EFCAB6: variants seen among roughly 807,000 people sequenced by gnomAD.
EFCAB6 encodes the protein EF-hand calcium-binding domain-containing protein 6.
In EFCAB6, 156 loss-of-function variants were observed where a neutral mutation model predicts 169.8. The observed-to-expected ratio is 0.92, with a 90% CI of 0.81 to 1.05. The LOEUF is 1.05. EFCAB6 is among the 50% of genes least tolerant of loss of function. The probability of loss-of-function intolerance (pLI) is 0.00; values close to 1 mark genes in which losing one functional copy is unlikely to be tolerated. For synonymous variants in EFCAB6, 698 were observed against 676.4 expected, an observed-to-expected ratio of 1.03 and a Z score of -0.50; for missense variants, 1,800 against 1,829.1, an observed-to-expected ratio of 0.98 and a Z score of 0.29.
chr22:43,534,126 A>G (rs1293529850), intron 30 of EFCAB6, among the ~76,000 whole-genome samples: 1 of 152,172 alleles, frequency 6.6e-6, no homozygotes, highest in Non-Finnish European at 1.5e-5. Flanking sequence ...CTCTTCTCAA[A>G]TTGTAATCAC....
intron 4 of EFCAB6, among the ~76,000 whole-genome samples, chr22:43,770,615 G>C (rs2061439971): frequency 6.6e-6 from 1 of 152,140 alleles, no homozygotes; most frequent in African/African-American, 2.4e-5. Context: ...AAATTCAAGG[G>C]ATGGGGCTAA....
chr22:43,529,480 C>T (rs2046929781), intron 31 of EFCAB6, among the ~76,000 whole-genome samples: 2 of 152,238 alleles, frequency 1.3e-5, no homozygotes. Context: ...TAGAACCTGA[C>T]TCTCTCCCAG....
At chr22:43,752,773 C>T (rs1159415112) in intron 6 of EFCAB6, among the ~76,000 whole-genome samples, 1 of 152,108 alleles carries the variant, frequency 6.6e-6, no homozygotes, top group African/African-American at 2.4e-5. Context: ...TCTCCACGCC[C>T]TCCTGACTTC....
Position 43,554,914 on chromosome 22 carries a change from A to G in EFCAB6, c.3603T>C (p.Phe1201=), listed in dbSNP as rs768782986. ...GGACGCGGCGATTACAAATGGCCCT[A>G]AACTCCTCTCTGGAGATGGTGTTCG... is the stretch of plus-strand genomic sequence containing the variant. ...MKTNTISREE[F]RAICNRRVQI... The change falls in exon 27 of 32, where the codon TTT becomes TTC. Residue 1201 remains phenylalanine, a synonymous_variant. Transcript: ENST00000262726. 2 of 1,614,166 alleles carry G rather than the reference A, an allele frequency of 1.2e-6. No homozygotes were observed. Among genetic ancestry groups the G allele is most frequent in the Non-Finnish European group, 1.7e-6 (2 of 1,180,032 alleles).
At chr22:43,548,539 C>CAAAAAAAAAAAAA (rs397868076) in intron 27 of EFCAB6, among the ~76,000 whole-genome samples, 12 of 36,750 alleles carry the variant, frequency 3.3e-4, no homozygotes, top group African/African-American at 4.4e-4. Context: ...GAATCCATCT[C>CAAAAAAAAAAAAA]AAAAAAAAAA....
rs146317469 is a variant in EFCAB6, at chr22:43,645,352, C to T, written c.1984-10136G>A. ...TACACTAGAAAGAGGAAAAAAAGTACGCAAGTCCAAGTCTAAAACTTTAGT... is the reference window on the plus strand; with the variant it reads ...TACACTAGAAAGAGGAAAAAAAGTATGCAAGTCCAAGTCTAAAACTTTAGT... On this transcript the variant is annotated intron_variant, in intron 17 of 31. Transcript: ENST00000262726. Among the ~76,000 whole-genome samples the T allele has an allele frequency of 5.8e-3, 889 of 152,288 alleles. 10 individuals carry two copies. Among genetic ancestry groups the T allele is most frequent in the African/African-American group, 0.02 (821 of 41,540 alleles).
chr22:43,613,990 ACT>A (rs1442629817), intron 21 of EFCAB6, among the ~76,000 whole-genome samples: 1 of 151,632 alleles, frequency 6.6e-6, no homozygotes, highest in Admixed American at 6.6e-5. Flanking sequence ...AAACTACAAA[ACT>A]CTGACGAGAA....
chr22:43,587,643 G>T (rs370248980), intron 24 of EFCAB6, among the ~76,000 whole-genome samples: 18 of 152,322 alleles, frequency 1.2e-4, no homozygotes, highest in East Asian at 7.7e-4. Flanking sequence ...TGATGGCATT[G>T]AAGGCCCATC....
chr22:43,533,875 A>ACTGGG lies in EFCAB6; in HGVS notation c.4233+808_4233+812dup, dbSNP rs373691928. Reference sequence around the variant, plus strand: ...CAGATGAGTCCTGGCTGGAAGCAGGACTGGGCTGGGCTGGGCTCTGGCCTC... The same window carrying ACTGGG: ...CAGATGAGTCCTGGCTGGAAGCAGGACTGGGCTGGGCTGGGCTGGGCTCTGGCCTC... On this transcript the variant is annotated intron_variant, in intron 30 of 31. Transcript: ENST00000262726. 5.0e-3 allele frequency among the ~76,000 whole-genome samples: 758 copies of ACTGGG among 152,310 alleles called. 1 individual carries two copies. The highest frequency in any genetic ancestry group is 0.015 in the African/African-American group (618 of 41,576).
chr22:43,629,443 G>A (rs1191230612), intron 19 of EFCAB6, among the ~76,000 whole-genome samples: 1 of 152,198 alleles, frequency 6.6e-6, no homozygotes, highest in Non-Finnish European at 1.5e-5. Context: ...AACACACAAG[G>A]CCCTGTGTGT....
chr22:43,595,153 T>C (rs1050604454), intron 23 of EFCAB6, among the ~76,000 whole-genome samples: 3 of 150,750 alleles, frequency 2.0e-5, no homozygotes, highest in Middle Eastern at 3.4e-3. Context: ...TGTATAGCAA[T>C]AAATGCCTAC....
At chr22:43,663,350 C>T (rs1314350440) in intron 17 of EFCAB6, among the ~76,000 whole-genome samples, 2 of 152,224 alleles carry the variant, frequency 1.3e-5, no homozygotes, top group Admixed American at 6.5e-5. Flanking sequence ...TTTCTTTCTA[C>T]TGCATAAGCC....
intron 25 of EFCAB6, among the ~76,000 whole-genome samples, chr22:43,579,638 C>A (rs1157587826): frequency 1.3e-5 from 2 of 150,950 alleles, no homozygotes; most frequent in African/African-American, 2.5e-5. Flanking sequence ...AAGCATCATT[C>A]CATACATATA....
At chr22:43,807,796 T>G (rs915700087) in intron 2 of EFCAB6, among the ~76,000 whole-genome samples, 8 of 152,256 alleles carry the variant, frequency 5.3e-5, no homozygotes, top group Middle Eastern at 3.2e-3. Flanking sequence ...TGATATCAAA[T>G]GGACTGTTAT....
chr22:43,650,504 G>T (rs1416760766), intron 17 of EFCAB6, among the ~76,000 whole-genome samples: 2 of 152,106 alleles, frequency 1.3e-5, no homozygotes, highest in African/African-American at 4.8e-5. Context: ...GCTCAGTCTT[G>T]GGTATGTCTT....
chr22:43,746,868 G>A (rs1011938164), intron 6 of EFCAB6, among the ~76,000 whole-genome samples: 7 of 152,062 alleles, frequency 4.6e-5, no homozygotes, highest in Non-Finnish European at 7.4e-5. Flanking sequence ...CAGCTGCCAC[G>A]GGCCAAGAAT....
At chr22:43,640,873 A>G (rs955137611) in intron 17 of EFCAB6, among the ~76,000 whole-genome samples, 1 of 152,214 alleles carries the variant, frequency 6.6e-6, no homozygotes, top group Admixed American at 6.5e-5. Flanking sequence ...AACTGGAAGC[A>G]AAACTCCCAG....
chr22:43,675,335 TATA>T (rs2057686447), intron 13 of EFCAB6, among the ~76,000 whole-genome samples: 1 of 41,158 alleles, frequency 2.4e-5, no homozygotes, highest in Non-Finnish European at 6.1e-5. Flanking sequence ...TAATATATAA[TATA>T]ATATACTATA....
intron 17 of EFCAB6, among the ~76,000 whole-genome samples, chr22:43,658,164 G>A (rs1358041133): frequency 1.3e-5 from 2 of 152,090 alleles, no homozygotes; most frequent in Non-Finnish European, 2.9e-5. Flanking sequence ...GGGTGGGGGC[G>A]GAGTTTGCAG....
Sources: gnomAD v4.1 joint callset for allele counts (sites outside exome capture counted in the v4.1 genomes callset) on GRCh38, gnomAD v4.1.1 for gene constraint, MANE v1.5 for transcripts, NCBI Gene and HGNC (gene_info 2026-07-23, HGNC 2026-07-21) for gene names.